The following ERBB4 variants were observed in gnomAD, a reference collection of about 807,000 sequenced individuals.
ERBB4 encodes receptor tyrosine-protein kinase erbB-4.
Under a neutral mutation model 158.0 loss-of-function variants are expected in ERBB4, and 42 were observed. That is an observed-to-expected ratio of 0.27 (90% CI 0.21 to 0.34). The LOEUF (loss-of-function observed/expected upper bound fraction) is 0.34. Among genes scored for constraint, ERBB4 ranks in the 10% least tolerant of loss-of-function variants. The pLI, the probability that ERBB4 is intolerant of heterozygous loss-of-function variation, is 1.00. For synonymous variants in ERBB4, 583 were observed against 558.7 expected (o/e 1.04, Z -0.61); for missense variants, 1,333 against 1,624.1 (o/e 0.82, Z 3.08).
chr2:212,528,701 T>TG (rs1440173594), intron 1 of ERBB4, among the ~76,000 whole-genome samples: 1 of 152,174 alleles, frequency 6.6e-6, no homozygotes, highest in Non-Finnish European at 1.5e-5. Flanking sequence ...TCTGGTAACC[T>TG]GAAAAGAAAT....
At chr2:211,599,864 G>A (rs1301929836) in intron 19 of ERBB4, among the ~76,000 whole-genome samples, 1 of 152,054 alleles carries the variant, frequency 6.6e-6, no homozygotes, top group Admixed American at 6.6e-5. Context: ...ACTTTTAACT[G>A]CAATCTAGTG....
At chr2:212,116,949 G>T (rs975489119) in intron 2 of ERBB4, among the ~76,000 whole-genome samples, 2 of 152,028 alleles carry the variant, frequency 1.3e-5, no homozygotes, top group Non-Finnish European at 2.9e-5. Flanking sequence ...TAAGCCAAGT[G>T]TAAATTGCAT....
intron 1 of ERBB4, among the ~76,000 whole-genome samples, chr2:212,215,507 T>C (rs919727792): frequency 2.0e-5 from 3 of 151,370 alleles, no homozygotes; most frequent in Non-Finnish European, 4.4e-5. Context: ...TCAACATAAG[T>C]CTGGTATATT....
At chr2:211,862,399 C>A (rs1247888768) in intron 3 of ERBB4, among the ~76,000 whole-genome samples, 3 of 151,732 alleles carry the variant, frequency 2.0e-5, no homozygotes, top group Non-Finnish European at 4.4e-5. Context: ...AGAATATATG[C>A]TTTGTTCTCA....
intron 1 of ERBB4, among the ~76,000 whole-genome samples, chr2:212,267,596 T>TCTTTTTTTTTC (rs1161594873): frequency 8.6e-5 from 9 of 104,056 alleles, no homozygotes; most frequent in African/African-American, 2.4e-4. Context: ...AGTTCTCATT[T>TCTTTTTTTTTC]CTTTTTTTTT....
intron 20 of ERBB4, among the ~76,000 whole-genome samples, chr2:211,507,698 A>G (rs182414414): frequency 3.9e-5 from 6 of 152,264 alleles, no homozygotes; most frequent in Admixed American, 3.9e-4. Flanking sequence ...CAAAAAGAGC[A>G]AAGCTGGAGG....
At chr2:212,173,042 A>AGAATCATAT (rs2081566353) in intron 1 of ERBB4, among the ~76,000 whole-genome samples, 1 of 152,174 alleles carries the variant, frequency 6.6e-6, no homozygotes, top group South Asian at 2.1e-4. Flanking sequence ...ATCCAGTTGC[A>AGAATCATAT]GAATCATATG....
chr2:212,188,243 TCTCA>T (rs2082085070), intron 1 of ERBB4, among the ~76,000 whole-genome samples: 4 of 13,218 alleles, frequency 3.0e-4, no homozygotes, highest in Admixed American at 1.3e-3. Flanking sequence ...TCCCCCCCCC[TCTCA>T]CCCCCTCCCT....
chr2:211,874,418 T>C (rs2078440119), intron 3 of ERBB4, among the ~76,000 whole-genome samples: 1 of 152,200 alleles, frequency 6.6e-6, no homozygotes, highest in African/African-American at 2.4e-5. Flanking sequence ...CAGAGTTTTT[T>C]GTTTACTTTT....
intron 1 of ERBB4, among the ~76,000 whole-genome samples, chr2:212,436,102 CAT>C (rs1371375352): frequency 6.6e-6 from 1 of 151,726 alleles, no homozygotes; most frequent in African/African-American, 2.4e-5. Context: ...TTGTATATAA[CAT>C]AGAGAAAACG....
intron 1 of ERBB4, among the ~76,000 whole-genome samples, chr2:212,191,627 TGTTATGCATGCTA>T (rs2082213029): frequency 2.1e-5 from 1 of 47,172 alleles, no homozygotes; most frequent in Non-Finnish European, 4.5e-5. Context: ...ATAACACATG[TGTTATGCATGCTA>T]TATATAACAC....
intron 20 of ERBB4, among the ~76,000 whole-genome samples, chr2:211,472,117 A>G (rs1463617062): frequency 6.6e-6 from 1 of 152,058 alleles, no homozygotes; most frequent in Non-Finnish European, 1.5e-5. Context: ...CAATTGGAAA[A>G]ATTTCAGGCT....
chr2:211,988,538 G>A (rs1179474334), intron 2 of ERBB4, among the ~76,000 whole-genome samples: 1 of 151,976 alleles, frequency 6.6e-6, no homozygotes, highest in Non-Finnish European at 1.5e-5. Context: ...GGCTAGATAT[G>A]CTTTACCTTT....
chr2:211,571,038 C>CCTCTTTTTTTTTTTTTTTTTTTT (rs1437512949), intron 19 of ERBB4, among the ~76,000 whole-genome samples: 6 of 58,736 alleles, frequency 1.0e-4, no homozygotes, highest in African/African-American at 4.6e-4. Context: ...GAGTACTCTT[C>CCTCTTTTTTTTTTTTTTTTTTTT]TTCTTTTTTT....
chr2:212,401,997 A>G (rs141143460), intron 1 of ERBB4, among the ~76,000 whole-genome samples: 5 of 152,258 alleles, frequency 3.3e-5, no homozygotes, highest in African/African-American at 1.2e-4. Context: ...ACAATCTATT[A>G]ATTGTATTCT....
chr2:211,841,846 A>T (rs940227544), intron 3 of ERBB4, among the ~76,000 whole-genome samples: 5 of 152,098 alleles, frequency 3.3e-5, no homozygotes, highest in Non-Finnish European at 7.4e-5. Context: ...GGTATTCATC[A>T]GTTGCACAGT....
At chr2:212,440,336 G>A (rs1306943160) in intron 1 of ERBB4, among the ~76,000 whole-genome samples, 1 of 152,196 alleles carries the variant, frequency 6.6e-6, no homozygotes, top group Non-Finnish European at 1.5e-5. Context: ...GACTGGCCTA[G>A]CATCCCAGGC....
intron 1 of ERBB4, among the ~76,000 whole-genome samples, chr2:212,281,954 T>C (rs2085774786): frequency 6.6e-6 from 1 of 151,812 alleles, no homozygotes. Flanking sequence ...TTTATAAAAC[T>C]AAAAGTCAAA....
intron 1 of ERBB4, 46 bp from the exon 2 acceptor site, chr2:212,124,949 G>T: frequency 6.3e-7 from 1 of 1,593,970 alleles, no homozygotes; most frequent in Non-Finnish European, 8.6e-7. Flanking sequence ...ACCTTTATAT[G>T]ATATGCGCAA....
Sources: gnomAD v4.1 joint callset for allele counts (sites outside exome capture counted in the v4.1 genomes callset) on GRCh38, gnomAD v4.1.1 for gene constraint, MANE v1.5 for transcripts, NCBI Gene and HGNC (gene_info 2026-07-23, HGNC 2026-07-21) for gene names.